KDM5D: variants seen among roughly 807,000 people sequenced by gnomAD.
KDM5D encodes lysine-specific demethylase 5D.
In KDM5D, 25 loss-of-function variants were observed where a neutral mutation model predicts 31.9. The observed-to-expected ratio is 0.78, with a 90% CI of 0.57 to 1.09. KDM5D has a LOEUF of 1.09. Ranked by LOEUF, KDM5D falls within the 50% of genes least tolerant of loss-of-function variation. The pLI is 0.00. For synonymous variants in KDM5D, 146 were observed against 122.3 expected (o/e 1.19, Z -1.28); for missense variants, 366 against 341.6 (o/e 1.07, Z -0.56).
At position 19,715,629 on chromosome Y, in the gene KDM5D, T is replaced by C; in HGVS notation, c.2324A>G (p.Asp775Gly). The stretch of plus-strand genomic sequence containing the variant: ...CTGTCACTCACTGCGTTTACGGCCA[T>C]CCTCCACCTCCAAGGCCACTCGCAC... ...NKVRVALEVE[D>G]GRKRSFEELR... Residue 775 changes from aspartate (D) to glycine (G), a missense_variant, in exon 17 of 27, where the codon GAT (aspartate) becomes GGT (glycine). Asp to Gly is a moderately conservative substitution (Grantham distance 94). Transcript: ENST00000317961. The C allele has an allele frequency of 2.5e-6, 1 of 398,802 alleles. No homozygotes were observed. Among genetic ancestry groups the C allele is most frequent in the South Asian group, 3.0e-5 (1 of 33,781 alleles).
At chrY:19,743,111 G>A (rs761330736) in intron 3 of KDM5D, 51 bp downstream of exon 3, 1 of 260,265 alleles carries the variant, frequency 3.8e-6, no homozygotes, top group Non-Finnish European at 6.2e-6. Flanking sequence ...AACTACAACG[G>A]CAAGATTAAA....
intron 13 of KDM5D, among the ~76,000 whole-genome samples, chrY:19,720,292 G>A: frequency 3.0e-5 from 1 of 33,144 alleles, no homozygotes; most frequent in Non-Finnish European, 7.4e-5. Flanking sequence ...GAAACGAAGA[G>A]GGCCTTTGGA....
chrY:19,713,862 T>TA (rs1456545152), intron 18 of KDM5D, among the ~76,000 whole-genome samples: 60 of 33,516 alleles, frequency 1.8e-3, no homozygotes, highest in South Asian at 8.1e-3. Context: ...ATGTTCACTG[T>TA]AGCACCATTC....
intron 11 of KDM5D, among the ~76,000 whole-genome samples, chrY:19,727,932 G>T (rs376134474): frequency 6.4e-5 from 2 of 31,287 alleles, no homozygotes; most frequent in Non-Finnish European, 1.6e-4. Context: ...AGCAGCAAAA[G>T]AATTAAAAAA....
At chrY:19,716,746 T>C (rs780775784) in intron 13 of KDM5D, 31 bp from the exon 14 acceptor site, 1 of 392,560 alleles carries the variant, frequency 2.5e-6, no homozygotes. Context: ...GAAAGAGGTG[T>C]GGGTCAGAAC....
At chrY:19,743,468 GA>G (rs549669667) in intron 2 of KDM5D, among the ~76,000 whole-genome samples, 16 of 12,979 alleles carry the variant, frequency 1.2e-3, no homozygotes, top group African/African-American at 2.0e-3. Context: ...CGTAACAGAC[GA>G]AAAAAAAAAA....
At chrY:19,725,743 T>A in intron 11 of KDM5D, among the ~76,000 whole-genome samples, 1 of 32,787 alleles carries the variant, frequency 3.0e-5, no homozygotes, top group Non-Finnish European at 7.5e-5. Flanking sequence ...AAAGAAACTA[T>A]CATCAGGGTG....
chrY:19,717,662 T>C (rs2045359303), intron 13 of KDM5D, among the ~76,000 whole-genome samples: 1 of 33,334 alleles, frequency 3.0e-5, no homozygotes, highest in Admixed American at 2.7e-4. Flanking sequence ...ACATTAAACA[T>C]CCAGGGCAAG....
chrY:19,740,819 TA>T (rs2045544028), intron 5 of KDM5D, among the ~76,000 whole-genome samples: 43 of 32,044 alleles, frequency 1.3e-3, no homozygotes, highest in African/African-American at 5.3e-3. Flanking sequence ...ATGTCTCTAC[TA>T]AAAACACAAA....
Position 19,706,047 on chromosome Y carries a change from G to T in KDM5D, c.4568C>A (p.Pro1523His), listed in dbSNP as rs760018135. The T allele has an allele frequency of 2.5e-6, 1 of 397,698 alleles. No individual in the cohort carries two copies. Among genetic ancestry groups the T allele is most frequent in the South Asian group, 3.0e-5 (1 of 33,666 alleles). ...HKDSGSSAAC[P>H]SLMPLLQLSY... ...GAGTTGTAGCAAAGGCATTAAAGAA[G>T]GACAAGCAGCTGAAGAGCCTGAATC... The change falls in exon 27 of 27, where the codon CCT (proline) becomes CAT (histidine). Residue 1523 changes from proline (P) to histidine (H), a missense_variant. Pro to His is a moderately conservative substitution (Grantham distance 77, BLOSUM62 -2). Transcript: ENST00000317961.
At chrY:19,737,284 AC>A (rs2045517462) in intron 6 of KDM5D, among the ~76,000 whole-genome samples, 4 of 33,871 alleles carry the variant, frequency 1.2e-4, no homozygotes, top group Non-Finnish European at 2.9e-4. Flanking sequence ...ACCCTTCACT[AC>A]TACAAAGAGT....
intron 8 of KDM5D, among the ~76,000 whole-genome samples, chrY:19,733,954 T>C: frequency 3.0e-5 from 1 of 33,306 alleles, no homozygotes; most frequent in Non-Finnish European, 7.4e-5. Flanking sequence ...TGAAAGATGC[T>C]CAATATAAAA....
chrY:19,714,027 T>C (rs892508814), intron 18 of KDM5D, among the ~76,000 whole-genome samples: 8 of 33,447 alleles, frequency 2.4e-4, no homozygotes, highest in Non-Finnish European at 3.7e-4. Flanking sequence ...GAGGCCATTA[T>C]CCTTAGCAAA....
intron 11 of KDM5D, among the ~76,000 whole-genome samples, chrY:19,722,913 G>A (rs762229659): frequency 3.1e-5 from 1 of 32,182 alleles, no homozygotes; most frequent in East Asian, 8.0e-4. Flanking sequence ...CAGATTCAAC[G>A]CTATTTCTAT....
chrY:19,714,573 G>A, intron 18 of KDM5D, among the ~76,000 whole-genome samples: 1 of 33,193 alleles, frequency 3.0e-5, no homozygotes, highest in Non-Finnish European at 7.4e-5. Context: ...TGCGTATTTT[G>A]ATACACAAAT....
intron 11 of KDM5D, 128 bp from the exon 12 acceptor site, chrY:19,721,439 A>G: frequency 6.0e-6 from 1 of 165,483 alleles, no homozygotes; most frequent in South Asian, 4.9e-5. Flanking sequence ...TCCTGGTCAC[A>G]AGAGGTCCAT....
chrY:19,732,877 A>C (rs2045482971), intron 8 of KDM5D, 135 bp from the exon 9 acceptor site: 1 of 152,038 alleles, frequency 6.6e-6, no homozygotes, highest in Admixed American at 1.3e-4. Context: ...CTTACTACCT[A>C]GTGCAAACTA....
In KDM5D at chrY:19,705,483, G is replaced by C. The variant is rs762475514; in HGVS notation, c.*512C>G. 6 of 34,273 alleles carry C rather than the reference G, an allele frequency of 1.8e-4. No homozygotes were observed. The highest frequency in any genetic ancestry group is 7.0e-4 in the African/African-American group (6 of 8,599). The allele number at this position is 34,273 out of a possible 400,897, so 8.5% of individuals were successfully genotyped here. On this transcript the variant is annotated 3_prime_UTR_variant, in exon 27 of 27. Transcript: ENST00000317961. ...GAAATGAAATTAAAGATAGACCACA[G>C]GTAGAGTCATGAAATTCTTGTTTTT...
At position 19,735,333 on chromosome Y, in the gene KDM5D, C is replaced by A. The variant is rs767846419; in HGVS notation, c.933+19G>T. ...CTTGACGGTTCAAAGTAGAATATTA[C>A]AAAATCATGAGTCCTTACAAACTGG... On this transcript the variant is annotated intron_variant, in intron 8 of 26. Transcript: ENST00000317961. The A allele has an allele frequency of 7.7e-6, 3 of 389,981 alleles. No homozygotes were observed. The highest frequency in any genetic ancestry group is 1.1e-5 in the Non-Finnish European group (3 of 275,753).
Sources: allele counts gnomAD v4.1 joint callset (sites outside exome capture counted in the v4.1 genomes callset), GRCh38; gene constraint gnomAD v4.1.1; transcripts MANE v1.5; gene names NCBI Gene and HGNC (gene_info 2026-07-23, HGNC 2026-07-21).